PPARGC1A: variants seen among roughly 807,000 people sequenced by gnomAD.
PPARGC1A encodes the protein PPARG coactivator 1 alpha.
PPARGC1A carries 25 observed loss-of-function variants against 88.7 expected under a neutral mutation model. The ratio of observed to expected loss-of-function variants is 0.28; its 90% CI spans 0.21 to 0.39. The LOEUF (loss-of-function observed/expected upper bound fraction) is 0.39, where lower values mean the gene tolerates loss of function less well. Among genes scored for constraint, PPARGC1A ranks in the 10% least tolerant of loss-of-function variants. The pLI is 1.00. For missense variants in PPARGC1A, 880 were observed against 968.7 expected (o/e 0.91, Z 1.22); for synonymous variants, 363 against 355.6 (o/e 1.02, Z -0.24).
chr4:24,437,624 G>GTTT, the PPARGC1A span, among the ~76,000 whole-genome samples: 1 of 148,052 alleles, frequency 6.8e-6, no homozygotes, highest in Non-Finnish European at 1.5e-5. Flanking sequence ...TGTTGTTGTT[G>GTTT]TTGTTGTTGT....
chr4:24,368,410 T>C, the PPARGC1A span, among the ~76,000 whole-genome samples: 3 of 152,190 alleles, frequency 2.0e-5, no homozygotes, highest in African/African-American at 7.2e-5. Flanking sequence ...GTAACCTGCA[T>C]GCAAATTTAA....
the PPARGC1A span, among the ~76,000 whole-genome samples, chr4:24,059,459 G>C: frequency 0.34 from 51,964 of 152,064 alleles, 9,037 homozygotes; most frequent in South Asian, 0.41. Flanking sequence ...TTCCTCTAAA[G>C]AAGTGAGCGC....
the PPARGC1A span, among the ~76,000 whole-genome samples, chr4:24,379,048 T>C: frequency 6.6e-6 from 1 of 152,196 alleles, no homozygotes; most frequent in Admixed American, 6.5e-5. Flanking sequence ...TGTCCCCTTC[T>C]ATTTCATGAA....
chr4:24,332,197 C>G, the PPARGC1A span, among the ~76,000 whole-genome samples: 4 of 151,770 alleles, frequency 2.6e-5, no homozygotes, highest in Non-Finnish European at 5.9e-5. Context: ...AGGCTGATCT[C>G]AAACTCCTGG....
chr4:24,159,206 C>CTTTTTTTTTTT, the PPARGC1A span, among the ~76,000 whole-genome samples: 1 of 109,854 alleles, frequency 9.1e-6, no homozygotes, highest in Non-Finnish European at 1.8e-5. Context: ...GGAAATTAAC[C>CTTTTTTTTTTT]TTTTTTTTTT....
intron 2 of PPARGC1A, among the ~76,000 whole-genome samples, chr4:23,875,207 T>C (rs58628273): frequency 0.026 from 3,889 of 152,288 alleles, 136 homozygotes; most frequent in African/African-American, 0.088. Context: ...ATTTGAGAAT[T>C]AAGAAACATC....
At chr4:24,171,293 C>A in the PPARGC1A span, among the ~76,000 whole-genome samples, 1 of 152,010 alleles carries the variant, frequency 6.6e-6, no homozygotes, top group Non-Finnish European at 1.5e-5. Flanking sequence ...GTACTCCCAG[C>A]TACTTGGGAG....
At chr4:24,012,236 G>T in the PPARGC1A span, among the ~76,000 whole-genome samples, 1 of 151,990 alleles carries the variant, frequency 6.6e-6, no homozygotes, top group African/African-American at 2.4e-5. Context: ...AAGCTGTTTG[G>T]GAGAAAAAAT....
the PPARGC1A span, among the ~76,000 whole-genome samples, chr4:24,278,631 C>G: frequency 6.6e-6 from 1 of 152,202 alleles, no homozygotes; most frequent in South Asian, 2.1e-4. Context: ...TGCCCATCCT[C>G]TTGAAGCCTC....
At chr4:24,258,187 A>G in the PPARGC1A span, 95 of 969,250 alleles carry the variant, frequency 9.8e-5, no homozygotes, top group Non-Finnish European at 2.0e-5. Context: ...ACATGACAAT[A>G]ATGTATTATA....
the PPARGC1A span, among the ~76,000 whole-genome samples, chr4:24,470,259 G>C: frequency 4.1e-4 from 51 of 124,342 alleles, no homozygotes; most frequent in African/African-American, 1.5e-3. The surrounding 1 kb of genome is among the most constrained non-coding windows in gnomAD (Gnocchi z 5.8). Context: ...CTTGGTTTCT[G>C]ACTCATCGAC....
chr4:24,442,807 T>C, the PPARGC1A span, among the ~76,000 whole-genome samples: 1 of 152,228 alleles, frequency 6.6e-6, no homozygotes, highest in Non-Finnish European at 1.5e-5. Context: ...CATGATTAAA[T>C]GTTCACTTCT....
At chr4:24,287,674 T>C in the PPARGC1A span, among the ~76,000 whole-genome samples, 1 of 112,686 alleles carries the variant, frequency 8.9e-6, no homozygotes, top group East Asian at 2.4e-4. Flanking sequence ...ACAACTGCAC[T>C]CATCTGGTGC....
At chr4:23,995,513 A>T in the PPARGC1A span, among the ~76,000 whole-genome samples, 2 of 152,174 alleles carry the variant, frequency 1.3e-5, no homozygotes, top group Non-Finnish European at 2.9e-5. Flanking sequence ...AGCTTTGCAC[A>T]TACAGGTCTT....
the PPARGC1A span, among the ~76,000 whole-genome samples, chr4:24,467,337 G>A: frequency 6.6e-6 from 1 of 152,148 alleles, no homozygotes; most frequent in Non-Finnish European, 1.5e-5. Flanking sequence ...TAAGAACGTA[G>A]AAATGCACTT....
At chr4:24,047,176 T>C in the PPARGC1A span, among the ~76,000 whole-genome samples, 7 of 152,354 alleles carry the variant, frequency 4.6e-5, no homozygotes, top group Non-Finnish European at 7.4e-5. Flanking sequence ...TCCTGGACTT[T>C]GGTCCCGTCA....
the PPARGC1A span, among the ~76,000 whole-genome samples, chr4:24,320,280 G>A: frequency 1.2e-4 from 19 of 152,098 alleles, no homozygotes; most frequent in African/African-American, 4.6e-4. Context: ...ATCACAAGAA[G>A]GAAGAAAAGT....
the PPARGC1A span, among the ~76,000 whole-genome samples, chr4:24,104,911 T>C: frequency 6.6e-6 from 1 of 152,184 alleles, no homozygotes; most frequent in Non-Finnish European, 1.5e-5. Context: ...CTTTGGGCAA[T>C]TTACTTCCCT....
the PPARGC1A span, among the ~76,000 whole-genome samples, chr4:24,333,187 T>C: frequency 7.2e-5 from 11 of 152,092 alleles, no homozygotes; most frequent in Admixed American, 1.3e-4. Flanking sequence ...GTGGTTACAC[T>C]GAGCTGAGAT....
Sources: allele counts gnomAD v4.1 joint callset (sites outside exome capture counted in the v4.1 genomes callset), GRCh38; gene constraint gnomAD v4.1.1; non-coding constraint Gnocchi (gnomAD v3.1); transcripts MANE v1.5; gene names NCBI Gene and HGNC (gene_info 2026-07-23, HGNC 2026-07-21).